PARD3B: variants seen among roughly 807,000 people sequenced by gnomAD.
PARD3B encodes the protein par-3 family cell polarity regulator beta, also known as partitioning defective 3 homolog B.
A neutral mutation model predicts 130.2 loss-of-function variants in PARD3B; 103 were observed. The observed-to-expected ratio is 0.79, with a 90% confidence interval of 0.67 to 0.93. The LOEUF (loss-of-function observed/expected upper bound fraction) is 0.93, where lower values mean the gene tolerates loss of function less well. PARD3B is among the 40% of genes least tolerant of loss of function. The pLI, the probability that PARD3B is intolerant of heterozygous loss-of-function variation, is 0.00. For missense variants in PARD3B, 1,609 were observed against 1,499.2 expected, an observed-to-expected ratio of 1.07 and a Z score of -1.21; for synonymous variants, 583 against 553.2, an observed-to-expected ratio of 1.05 and a Z score of -0.76.
At chr2:205,432,397 T>A (rs2047368992) in intron 19 of PARD3B, among the ~76,000 whole-genome samples, 2 of 152,098 alleles carry the variant, frequency 1.3e-5, no homozygotes, top group African/African-American at 4.8e-5. Flanking sequence ...TCACTGAGAG[T>A]AAAAACCGAA....
At chr2:204,717,529 G>C (rs985485302) in intron 2 of PARD3B, among the ~76,000 whole-genome samples, 2 of 152,142 alleles carry the variant, frequency 1.3e-5, no homozygotes, top group Non-Finnish European at 2.9e-5. Flanking sequence ...TTAGGTGTCT[G>C]GTGGAGTTGG....
At chr2:205,612,073 T>C (rs905883507) in intron 22 of PARD3B, among the ~76,000 whole-genome samples, 5 of 152,088 alleles carry the variant, frequency 3.3e-5, no homozygotes, top group African/African-American at 1.2e-4. Context: ...AAAGAGAAAC[T>C]CACGATTAAC....
intron 18 of PARD3B, among the ~76,000 whole-genome samples, chr2:205,392,963 G>A (rs2045908393): frequency 6.6e-6 from 1 of 152,164 alleles, no homozygotes; most frequent in South Asian, 2.1e-4. Context: ...CCCCCAAAAA[G>A]GGGTTGGGAT....
At chr2:204,682,590 A>C (rs1340339241) in intron 1 of PARD3B, among the ~76,000 whole-genome samples, 2 of 152,216 alleles carry the variant, frequency 1.3e-5, no homozygotes, top group Non-Finnish European at 2.9e-5. Flanking sequence ...TAGTAAAAAC[A>C]TTAAGCCACC....
chr2:205,044,586 T>C (rs1698634197), intron 3 of PARD3B, among the ~76,000 whole-genome samples: 1 of 151,676 alleles, frequency 6.6e-6, no homozygotes, highest in Non-Finnish European at 1.5e-5. Context: ...ATGTGTTTTT[T>C]GGCTGCATAA....
intron 2 of PARD3B, among the ~76,000 whole-genome samples, chr2:204,884,124 G>A (rs1389750873): frequency 6.6e-6 from 1 of 152,142 alleles, no homozygotes; most frequent in East Asian, 1.9e-4. Context: ...CTTCACCTTA[G>A]GGAGTAGCAG....
intron 18 of PARD3B, among the ~76,000 whole-genome samples, chr2:205,350,514 C>T (rs1472526918): frequency 1.3e-5 from 2 of 152,172 alleles, no homozygotes; most frequent in Admixed American, 1.3e-4. Flanking sequence ...TAACTCTCCC[C>T]GCCATTCTCA....
chr2:204,939,612 T>C (rs1688744833), intron 2 of PARD3B, among the ~76,000 whole-genome samples: 1 of 152,202 alleles, frequency 6.6e-6, no homozygotes, highest in Non-Finnish European at 1.5e-5. Flanking sequence ...GGAATCAATA[T>C]TTTTTAACAC....
chr2:204,778,518 TG>T (rs2041721143), intron 2 of PARD3B, among the ~76,000 whole-genome samples: 1 of 147,160 alleles, frequency 6.8e-6, no homozygotes. Context: ...GTGTAGATTT[TG>T]CCAGGTGGTT....
intron 2 of PARD3B, among the ~76,000 whole-genome samples, chr2:204,934,360 A>T (rs188218439): frequency 3.1e-4 from 47 of 152,346 alleles, no homozygotes; most frequent in African/African-American, 1.1e-3. Context: ...TGGTTGCTTG[A>T]TGAACACTGC....
intron 2 of PARD3B, among the ~76,000 whole-genome samples, chr2:204,916,578 T>G (rs2047453922): frequency 6.6e-6 from 1 of 152,174 alleles, no homozygotes. Context: ...AAGTGATAAA[T>G]AATCCAGAAG....
intron 15 of PARD3B, among the ~76,000 whole-genome samples, chr2:205,201,566 A>T (rs1387236967): frequency 6.6e-6 from 1 of 152,248 alleles, no homozygotes; most frequent in Non-Finnish European, 1.5e-5. Context: ...GGCCGGGCAC[A>T]GTGGCTTACA....
intron 2 of PARD3B, among the ~76,000 whole-genome samples, chr2:204,883,686 C>T (rs766584187): frequency 3.3e-5 from 5 of 151,344 alleles, no homozygotes; most frequent in Non-Finnish European, 5.9e-5. Context: ...CCTTGTGATC[C>T]GCCCACCTTG....
intron 3 of PARD3B, among the ~76,000 whole-genome samples, chr2:205,016,993 G>A (rs1696197738): frequency 6.6e-6 from 1 of 152,188 alleles, no homozygotes; most frequent in East Asian, 1.9e-4. Context: ...GGGCTACAGA[G>A]ATACTGGAAT....
At chr2:204,927,710 G>A (rs185616454) in intron 2 of PARD3B, among the ~76,000 whole-genome samples, 1 of 152,182 alleles carries the variant, frequency 6.6e-6, no homozygotes, top group East Asian at 1.9e-4. Flanking sequence ...TTTTGAAAAC[G>A]AGTCATGACT....
intron 15 of PARD3B, among the ~76,000 whole-genome samples, chr2:205,212,682 G>C (rs1321760278): frequency 6.6e-6 from 1 of 152,080 alleles, no homozygotes; most frequent in African/African-American, 2.4e-5. Flanking sequence ...AACCATGGAC[G>C]GTGATGATAG....
chr2:204,809,615 C>T (rs2042893875), intron 2 of PARD3B, among the ~76,000 whole-genome samples: 2 of 152,110 alleles, frequency 1.3e-5, no homozygotes, highest in African/African-American at 2.4e-5. Context: ...TGTTTTTGTA[C>T]CAGTACCATG....
At chr2:205,080,194 AT>A (rs1211218120) in intron 4 of PARD3B, among the ~76,000 whole-genome samples, 1 of 152,150 alleles carries the variant, frequency 6.6e-6, no homozygotes, top group Non-Finnish European at 1.5e-5. Flanking sequence ...AAAACTTAAA[AT>A]TAAATTTTAC....
chr2:204,647,251 TGTAAA>T (rs944954865), intron 1 of PARD3B, among the ~76,000 whole-genome samples: 1 of 151,990 alleles, frequency 6.6e-6, no homozygotes, highest in African/African-American at 2.4e-5. Context: ...TATTCTTTTC[TGTAAA>T]GTATTTTGTT....
Sources: allele counts gnomAD v4.1 joint callset (sites outside exome capture counted in the v4.1 genomes callset), GRCh38; gene constraint gnomAD v4.1.1; transcripts MANE v1.5; gene names NCBI Gene and HGNC (gene_info 2026-07-23, HGNC 2026-07-21).